Variants in DNAH12 observed in about 807,000 individuals in gnomAD.
DNAH12 encodes the protein axonemal beta dynein heavy chain 12.
DNAH12 carries 285 observed loss-of-function variants against 371.5 expected under a neutral mutation model. The observed-to-expected ratio is 0.77, with a 90% CI of 0.70 to 0.85. The LOEUF (loss-of-function observed/expected upper bound fraction) is 0.85. DNAH12 is among the 40% of genes least tolerant of loss of function. DNAH12 has a pLI of 0.00. For missense variants in DNAH12, 3,611 were observed against 3,689.4 expected (o/e 0.98, Z 0.55); for synonymous variants, 1,200 against 1,213.0 (o/e 0.99, Z 0.22).
intron 60 of DNAH12, among the ~76,000 whole-genome samples, chr3:57,348,538 T>TA (rs1325240465): frequency 6.6e-6 from 1 of 152,176 alleles, no homozygotes; most frequent in Non-Finnish European, 1.5e-5. Flanking sequence ...TCATAGATGC[T>TA]AACAAATATA....
intron 53 of DNAH12, among the ~76,000 whole-genome samples, 156 bp from the exon 54 acceptor site, chr3:57,376,121 C>G (rs1392179736): frequency 2.0e-5 from 3 of 151,744 alleles, no homozygotes; most frequent in African/African-American, 7.3e-5. Flanking sequence ...CCTTCTAGCT[C>G]TTATACGCTA....
At chr3:57,521,347 C>T (rs937617817) in intron 4 of DNAH12, among the ~76,000 whole-genome samples, 3 of 151,860 alleles carry the variant, frequency 2.0e-5, no homozygotes, top group African/African-American at 7.3e-5. Flanking sequence ...ACTATTCTTC[C>T]TCCACTGAAT....
At chr3:57,309,049 C>T in intron 69 of DNAH12, 102 bp downstream of exon 69, 2 of 812,976 alleles carry the variant, frequency 2.5e-6, no homozygotes, top group African/African-American at 1.7e-5. Flanking sequence ...TTCATACCAC[C>T]CTCAAAATTT....
chr3:57,366,423 T>C (rs2063053706), intron 57 of DNAH12, among the ~76,000 whole-genome samples: 1 of 152,142 alleles, frequency 6.6e-6, no homozygotes, highest in African/African-American at 2.4e-5. Context: ...CATTATACTC[T>C]GTGGACTCGC....
intron 2 of DNAH12, among the ~76,000 whole-genome samples, chr3:57,533,034 G>C (rs1379107480): frequency 6.6e-6 from 1 of 152,166 alleles, no homozygotes; most frequent in East Asian, 1.9e-4. Context: ...TGCTGGGCTA[G>C]CACTCGAACC....
intron 2 of DNAH12, among the ~76,000 whole-genome samples, chr3:57,529,624 C>CT (rs1171182247): frequency 6.6e-6 from 1 of 152,116 alleles, no homozygotes; most frequent in Non-Finnish European, 1.5e-5. Flanking sequence ...GATCCTCTCT[C>CT]TTTTTTTCCT....
At chr3:57,535,922 G>A (rs1013063143) in intron 2 of DNAH12, among the ~76,000 whole-genome samples, 4 of 140,052 alleles carry the variant, frequency 2.9e-5, no homozygotes, top group South Asian at 2.3e-4. Flanking sequence ...CTGTAACCTC[G>A]GCCTCCCGGG....
At chr3:57,390,424 A>AAAAAATATATATATATATATATAT in intron 45 of DNAH12, among the ~76,000 whole-genome samples, 4 of 33,436 alleles carry the variant, frequency 1.2e-4, no homozygotes, top group Non-Finnish European at 2.1e-4. Flanking sequence ...AAAAAAAAAA[A>AAAAAATATATATATATATATATAT]ATATATATAT....
rs113237399 is a variant in DNAH12 at position 57,487,026 on chromosome 3, C to T, written c.1514+2483G>A. ...CAGGAAGAAAAACCAGCAAGGACAA[C>T]GGCCATAAAGTGGTAATAAGCTTGG... On this transcript the variant is annotated intron_variant, in intron 12 of 73. Coordinates refer to ENST00000495027, the MANE Select transcript of DNAH12 (RefSeq NM_001366028.2). Among the ~76,000 whole-genome samples, 153 of 152,124 alleles carry T rather than the reference C, an allele frequency of 1.0e-3. 1 individual carries two copies. The highest frequency in any genetic ancestry group is 3.5e-3 in the African/African-American group (145 of 41,474).
Position 57,309,773 on chromosome 3 carries a change from T to C in DNAH12, c.10978A>G (p.Thr3660Ala). ...DISKDLQQTK[T>A]LFESLLLTQG... ...GTGAGGAGCAAGGACTCAAAGAGGG[T>C]TTTTGTTTGTTGAAGATCCTTGGAG... The change falls in exon 68 of 74, where the codon ACC (threonine) becomes GCC (alanine). Residue 3660 changes from threonine to alanine, a missense_variant. Thr to Ala is a moderately conservative substitution (Grantham distance 58, BLOSUM62 0). This residue lies in a region of DNAH12 where 2,266 missense variants were observed against 2,236.9 expected (regional missense o/e 1.01). Coordinates refer to ENST00000495027, the MANE Select transcript of DNAH12 (RefSeq NM_001366028.2). 1 of 1,551,348 alleles carries C rather than the reference T, an allele frequency of 6.4e-7. No homozygotes were observed. Among genetic ancestry groups the C allele is most frequent in the Non-Finnish European group, 8.7e-7 (1 of 1,146,864 alleles).
At position 57,429,616 on chromosome 3, in the gene DNAH12, A is replaced by T. The variant is rs1575590136; in HGVS notation, c.5064+75T>A. 3 of 1,375,948 alleles carry T rather than the reference A, an allele frequency of 2.2e-6. No individual in the cohort carries two copies. The East Asian group carries it at 7.7e-5, about 35-fold the overall frequency. The allele number at this position is 1,375,948 out of a possible 1,614,324, so 85.2% of individuals were successfully genotyped here. On this transcript the variant is annotated intron_variant, in intron 33 of 73. Coordinates refer to ENST00000495027, the MANE Select transcript of DNAH12 (RefSeq NM_001366028.2). ...TGCCTAACCCATTTTCTGACATATA[A>T]TAAAAAATACTTATTGGCTAAATTA...
chr3:57,341,922 A>T (rs2062410939), intron 60 of DNAH12, among the ~76,000 whole-genome samples: 1 of 152,212 alleles, frequency 6.6e-6, no homozygotes, highest in African/African-American at 2.4e-5. Context: ...CCAGACACAC[A>T]GACCAGTGGA....
chr3:57,487,414 A>AAAGAAAGAAAGAAAAAAAAGAAAAAG (rs145663473), intron 12 of DNAH12, among the ~76,000 whole-genome samples: 1 of 146,220 alleles, frequency 6.8e-6, no homozygotes, highest in African/African-American at 2.5e-5. Context: ...AAAAAAAAGA[A>AAAGAAAGAAAGAAAAAAAAGAAAAAG]AAAGAAAGAA....
At chr3:57,439,335 T>TACAGTAACCAAA (rs1452728755) in intron 29 of DNAH12, among the ~76,000 whole-genome samples, 1 of 152,158 alleles carries the variant, frequency 6.6e-6, no homozygotes, top group African/African-American at 2.4e-5. Context: ...AACTGTATGG[T>TACAGTAACCAAA]ACTGGTACAA....
intron 49 of DNAH12, among the ~76,000 whole-genome samples, chr3:57,383,834 G>A (rs951781230): frequency 6.6e-6 from 1 of 151,764 alleles, no homozygotes; most frequent in Non-Finnish European, 1.5e-5. Context: ...TAAGCTCAGA[G>A]TTTTAAATTC....
At position 57,301,918 on chromosome 3, in the gene DNAH12, G is replaced by C. The variant is rs1043170149; in HGVS notation, c.11211C>G (p.Asn3737Lys). 2.6e-6 allele frequency: 4 copies of C among 1,551,366 alleles called. No homozygotes were observed. In the African/African-American group the frequency reaches 5.5e-5, roughly 21 times the overall value. ...TAGCTTTTTCAAGGTCCCGTAGAGT[G>C]TTACGTATAGTTATAATTAAACTGC... is the stretch of plus-strand genomic sequence containing the variant. ...RFNNLIITIR[N>K]TLRDLEKAIK... is the part of the protein sequence containing the mutation. The change falls in exon 70 of 74, where the codon AAC (asparagine) becomes AAG (lysine). Residue 3737 changes from asparagine to lysine, a missense_variant. Physicochemically the swap from Asn to Lys is moderately conservative, Grantham distance 94. Around this residue, in one of 3 missense-constraint regions of DNAH12, gnomAD observed 2,266 missense variants for 2,236.9 expected, o/e 1.01. Transcript: ENST00000495027.
At chr3:57,330,759 A>G (rs1559559724) in intron 62 of DNAH12, among the ~76,000 whole-genome samples, 1 of 151,760 alleles carries the variant, frequency 6.6e-6, no homozygotes, top group Non-Finnish European at 1.5e-5. Flanking sequence ...TCCCCTGAGG[A>G]AGAGGACCTT....
chr3:57,453,371 G>T lies in DNAH12; in HGVS notation c.3489C>A (p.Asn1163Lys). 1 of 1,547,790 alleles carries T rather than the reference G, an allele frequency of 6.5e-7. No individual in the cohort carries two copies. The highest frequency in any genetic ancestry group is 8.7e-7 in the Non-Finnish European group (1 of 1,145,840). Residue 1163 changes from asparagine to lysine, a missense_variant, in exon 24 of 74, where the codon AAC (asparagine) becomes AAA (lysine). Asn to Lys is a moderately conservative substitution (Grantham distance 94). Transcript: ENST00000495027. ...CCAGCTCTACAATCTCATTCAGTTG[G>T]TTCTGAAGTTCCTTATAATACTTCT... is the stretch of plus-strand genomic sequence containing the variant. Reference protein sequence around the residue: ...GLKKYYKELQNQLNEIVELVR... With the variant: ...GLKKYYKELQKQLNEIVELVR...
At chr3:57,339,154 T>G (rs2062324255) in intron 60 of DNAH12, among the ~76,000 whole-genome samples, 1 of 152,142 alleles carries the variant, frequency 6.6e-6, no homozygotes, top group Non-Finnish European at 1.5e-5. Context: ...AAGATGTGCT[T>G]TGTTAAACAG....
Sources: gnomAD v4.1 joint callset for allele counts (sites outside exome capture counted in the v4.1 genomes callset) on GRCh38, gnomAD v4.1.1 for gene constraint, gnomAD v4.1.1 regional missense constraint, MANE v1.5 for transcripts, NCBI Gene and HGNC (gene_info 2026-07-23, HGNC 2026-07-21) for gene names.